Variants in ETF1 observed in about 807,000 individuals in gnomAD.
The protein encoded by ETF1 is eukaryotic peptide chain release factor subunit 1.
ETF1 carries 4 observed loss-of-function variants against 55.1 expected under a neutral mutation model. The ratio of observed to expected loss-of-function variants is 0.07; its 90% CI spans 0.04 to 0.17. The LOEUF (loss-of-function observed/expected upper bound fraction) is 0.17. ETF1 is among the 10% of genes least tolerant of loss of function. The pLI, the probability that ETF1 is intolerant of heterozygous loss-of-function variation, is 1.00. For missense variants in ETF1, 142 were observed against 523.6 expected (o/e 0.27, Z 7.11); for synonymous variants, 157 against 182.3 (o/e 0.86, Z 1.12).
intron 9 of ETF1, among the ~76,000 whole-genome samples, chr5:138,510,194 C>G (rs1258641077): frequency 6.6e-6 from 1 of 151,128 alleles, no homozygotes; most frequent in Non-Finnish European, 1.5e-5. Flanking sequence ...CGCCTCTCTA[C>G]AAAAAATTCA....
intron 2 of ETF1, among the ~76,000 whole-genome samples, chr5:138,535,528 T>A (rs1428439804): frequency 6.6e-6 from 1 of 151,764 alleles, no homozygotes; most frequent in African/African-American, 2.4e-5. Context: ...GAGACCAGCT[T>A]TGCCAACATG....
intron 2 of ETF1, among the ~76,000 whole-genome samples, chr5:138,529,931 T>C (rs1030135580): frequency 1.3e-5 from 2 of 152,080 alleles, no homozygotes; most frequent in Admixed American, 6.6e-5. Flanking sequence ...ATTTTCGAGA[T>C]AGGATCTCAC....
chr5:138,528,550 T>C (rs1765569428), intron 2 of ETF1, among the ~76,000 whole-genome samples: 2 of 152,202 alleles, frequency 1.3e-5, no homozygotes, highest in South Asian at 4.1e-4. Flanking sequence ...AAAGTGTAGC[T>C]TGCCTAAGAA....
At position 138,508,736 on chromosome 5, in the gene ETF1, C is replaced by A. The variant is rs764136993; in HGVS notation, c.1164G>T (p.Thr388=). Residue 388 remains threonine, a synonymous_variant, in exon 10 of 11, where the codon ACG becomes ACT. Transcript: ENST00000360541. ...FANNYKKFGA[T]LEIVTDKSQE... The stretch of plus-strand genomic sequence containing the variant: ...GTGATTTATCTGTGACAATTTCCAA[C>A]GTAGCTCCAAATTTTTTATAGTTGT... The A allele has an allele frequency of 1.2e-6, 2 of 1,613,712 alleles. No homozygotes were observed. Among genetic ancestry groups the A allele is most frequent in the East Asian group, 4.5e-5 (2 of 44,888 alleles).
At chr5:138,512,487 C>G (rs1764859708) in intron 6 of ETF1, among the ~76,000 whole-genome samples, 1 of 151,644 alleles carries the variant, frequency 6.6e-6, no homozygotes, top group African/African-American at 2.4e-5. Context: ...AAATCAAACT[C>G]CATTCTACAG....
At chr5:138,532,589 G>GT (rs1561843606) in intron 2 of ETF1, among the ~76,000 whole-genome samples, 1 of 152,212 alleles carries the variant, frequency 6.6e-6, no homozygotes, top group Non-Finnish European at 1.5e-5. Flanking sequence ...GGGGAGAGAG[G>GT]TAATATCAGA....
intron 2 of ETF1, among the ~76,000 whole-genome samples, chr5:138,521,553 T>C (rs1765233711): frequency 6.6e-6 from 1 of 152,072 alleles, no homozygotes. Context: ...TTAGATGGAG[T>C]CTTGCTCTTG....
chr5:138,512,700 A>T, intron 6 of ETF1, 64 bp downstream of exon 6: 1 of 1,414,894 alleles, frequency 7.1e-7, no homozygotes, highest in Non-Finnish European at 9.5e-7. Flanking sequence ...TCCAGTGCTC[A>T]CACAGAGGAC....
chr5:138,532,749 C>A (rs1294847928), intron 2 of ETF1, among the ~76,000 whole-genome samples: 1 of 152,188 alleles, frequency 6.6e-6, no homozygotes, highest in African/African-American at 2.4e-5. Flanking sequence ...GGCCAGAACA[C>A]TGGAAACTCT....
chr5:138,513,641 T>G lies in ETF1; in HGVS notation c.468A>C (p.Ala156=). 6.2e-7 allele frequency: 1 copy of G among 1,611,414 alleles called. No homozygotes were observed. Among genetic ancestry groups the G allele is most frequent in the Non-Finnish European group, 8.5e-7 (1 of 1,177,664 alleles). Residue 156 remains alanine, a synonymous_variant, in exon 5 of 11, where the codon GCA becomes GCC. Transcript: ENST00000360541. ...FGFIVIDGSG[A]LFGTLQGNTR... Reference sequence around the variant, plus strand: ...TGTTTCCTTGGAGTGTGCCAAAAAGTGCACCACTACCATCTATTACAATGA... The same window carrying G: ...TGTTTCCTTGGAGTGTGCCAAAAAGGGCACCACTACCATCTATTACAATGA...
At chr5:138,538,360 T>C (rs940153139) in intron 2 of ETF1, among the ~76,000 whole-genome samples, 2 of 151,988 alleles carry the variant, frequency 1.3e-5, no homozygotes, top group Non-Finnish European at 2.9e-5. Context: ...CAGCTCATTT[T>C]TGTATTTTTA....
intron 4 of ETF1, among the ~76,000 whole-genome samples, chr5:138,516,028 T>C (rs1322731301): frequency 6.6e-6 from 1 of 152,212 alleles, no homozygotes; most frequent in East Asian, 1.9e-4. Flanking sequence ...AGGAGCCAGC[T>C]GTGAATTCTT....
intron 2 of ETF1, among the ~76,000 whole-genome samples, chr5:138,534,102 G>C (rs780123710): frequency 6.6e-6 from 1 of 152,092 alleles, no homozygotes; most frequent in African/African-American, 2.4e-5. Context: ...TACCAAGACC[G>C]GAACTTACTG....
At chr5:138,542,776 C>A (rs1766240463) in intron 2 of ETF1, 57 bp downstream of exon 2, 2 of 1,598,960 alleles carry the variant, frequency 1.3e-6, no homozygotes, top group Non-Finnish European at 1.7e-6. Flanking sequence ...CGGGGGCGTC[C>A]ATCCTGAGGG....
At chr5:138,524,492 G>A (rs188988572) in intron 2 of ETF1, among the ~76,000 whole-genome samples, 1 of 151,366 alleles carries the variant, frequency 6.6e-6, no homozygotes, top group Non-Finnish European at 1.5e-5. Flanking sequence ...GGTTGAGGCT[G>A]CAGTGAGCCG....
chr5:138,522,232 T>C (rs1225854327), intron 2 of ETF1, among the ~76,000 whole-genome samples: 1 of 152,110 alleles, frequency 6.6e-6, no homozygotes, highest in East Asian at 1.9e-4. Context: ...GGAGAAAATA[T>C]ATGCAAATCA....
intron 10 of ETF1, 126 bp from the exon 11 acceptor site, chr5:138,508,513 T>TA: frequency 1.3e-6 from 2 of 1,556,828 alleles, no homozygotes; most frequent in Non-Finnish European, 1.7e-6. Context: ...GAGGTAATAA[T>TA]AAACATGGGT....
At chr5:138,529,088 CA>C (rs2127110506) in intron 2 of ETF1, among the ~76,000 whole-genome samples, 1 of 152,206 alleles carries the variant, frequency 6.6e-6, no homozygotes, top group African/African-American at 2.4e-5. Flanking sequence ...AAGATCCCGC[CA>C]TTGCACTACA....
At chr5:138,520,602 G>C (rs1765194987) in intron 2 of ETF1, among the ~76,000 whole-genome samples, 1 of 152,208 alleles carries the variant, frequency 6.6e-6, no homozygotes, top group Non-Finnish European at 1.5e-5. Context: ...AGGATCACTT[G>C]AGTCCAGGAG....
Sources: allele counts gnomAD v4.1 joint callset (sites outside exome capture counted in the v4.1 genomes callset), GRCh38; gene constraint gnomAD v4.1.1; transcripts MANE v1.5; gene names NCBI Gene and HGNC (gene_info 2026-07-23, HGNC 2026-07-21).